MGAT4C: variants seen among roughly 807,000 people sequenced by gnomAD.
MGAT4C encodes the protein MGAT4 family member C.
A neutral mutation model predicts 40.1 loss-of-function variants in MGAT4C; 19 were observed. The ratio of observed to expected loss-of-function variants is 0.47; its 90% CI spans 0.33 to 0.70. The LOEUF is 0.70. MGAT4C is among the 30% of genes least tolerant of loss of function. MGAT4C has a pLI of 0.02. For synonymous variants in MGAT4C, 181 were observed against 187.1 expected, an observed-to-expected ratio of 0.97 and a Z score of 0.27; for missense variants, 491 against 563.2, an observed-to-expected ratio of 0.87 and a Z score of 1.30.
intron 2 of MGAT4C, among the ~76,000 whole-genome samples, chr12:86,444,397 A>C (rs1035319530): frequency 6.6e-6 from 1 of 152,080 alleles, no homozygotes; most frequent in Non-Finnish European, 1.5e-5. Flanking sequence ...TTCCCTGCAG[A>C]TAATCTTCTC....
chr12:86,061,444 C>A (rs143166366), intron 1 of MGAT4C, among the ~76,000 whole-genome samples: 8 of 151,194 alleles, frequency 5.3e-5, no homozygotes, highest in African/African-American at 1.9e-4. Context: ...TTTGGACAGA[C>A]ACTGAGCTAA....
At chr12:86,621,133 C>T (rs1238384808) in intron 2 of MGAT4C, among the ~76,000 whole-genome samples, 1 of 151,700 alleles carries the variant, frequency 6.6e-6, no homozygotes, top group African/African-American at 2.4e-5. Flanking sequence ...TTATATAGTA[C>T]CCAATCATTT....
intron 1 of MGAT4C, among the ~76,000 whole-genome samples, chr12:86,234,733 A>T (rs1951460158): frequency 6.6e-6 from 1 of 152,000 alleles, no homozygotes; most frequent in Non-Finnish European, 1.5e-5. Flanking sequence ...ACTCTAATTC[A>T]TTCCTAAAAC....
intron 2 of MGAT4C, among the ~76,000 whole-genome samples, chr12:86,704,820 C>T (rs1457357518): frequency 6.6e-6 from 1 of 152,152 alleles, no homozygotes; most frequent in Non-Finnish European, 1.5e-5. Flanking sequence ...GACTTAAATG[C>T]TTCTTGTGAT....
intron 1 of MGAT4C, among the ~76,000 whole-genome samples, chr12:86,113,674 C>T (rs1359617675): frequency 6.6e-6 from 1 of 151,644 alleles, no homozygotes; most frequent in Non-Finnish European, 1.5e-5. Flanking sequence ...TAGATGTATC[C>T]TTGTCTGTAT....
intron 2 of MGAT4C, among the ~76,000 whole-genome samples, chr12:86,717,206 A>G (rs1050850640): frequency 6.6e-6 from 1 of 152,058 alleles, no homozygotes; most frequent in African/African-American, 2.4e-5. Context: ...TCAGAAAGAC[A>G]AATTTGAAGC....
At position 86,406,323 on chromosome 12, in the gene MGAT4C, A is replaced by G. The variant is rs1352975967; in HGVS notation, c.-120+28834T>C. ...GGTGAAAAGACAACTTTCAAAGTGG[A>G]GAAAAATACTTGTAAACTGTATATG... On this transcript the variant is annotated intron_variant, in intron 3 of 7. Coordinates refer to the MGAT4C transcript ENST00000548651. 6.6e-5 allele frequency among the ~76,000 whole-genome samples: 10 copies of G among 151,694 alleles called. 1 individual carries two copies. The highest frequency in any genetic ancestry group is 2.4e-4 in the African/African-American group (10 of 41,366).
intron 3 of MGAT4C, among the ~76,000 whole-genome samples, chr12:86,375,615 T>C (rs1955809575): frequency 6.6e-6 from 1 of 152,098 alleles, no homozygotes; most frequent in Non-Finnish European, 1.5e-5. Flanking sequence ...TTAGGTACTT[T>C]ACAGAACCAG....
chr12:86,273,762 T>C (rs1953004605), intron 4 of MGAT4C, among the ~76,000 whole-genome samples: 1 of 151,676 alleles, frequency 6.6e-6, no homozygotes, highest in Non-Finnish European at 1.5e-5. Context: ...GATAACAGAG[T>C]GAATATATAA....
At chr12:86,389,221 T>C (rs1051262036) in intron 3 of MGAT4C, among the ~76,000 whole-genome samples, 3 of 151,986 alleles carry the variant, frequency 2.0e-5, no homozygotes, top group Non-Finnish European at 4.4e-5. Flanking sequence ...GAAGGCCCCA[T>C]TGTGTGTTGT....
intron 2 of MGAT4C, among the ~76,000 whole-genome samples, chr12:86,714,445 G>A (rs1322875984): frequency 1.3e-5 from 2 of 152,110 alleles, no homozygotes. Context: ...ATTCCCACGT[G>A]TTGTGGGAGG....
At chr12:86,151,143 T>A (rs1455980452) in intron 1 of MGAT4C, among the ~76,000 whole-genome samples, 1 of 152,170 alleles carries the variant, frequency 6.6e-6, no homozygotes, top group Non-Finnish European at 1.5e-5. Flanking sequence ...CAGTAGTATA[T>A]TTCAAGTTCT....
chr12:86,424,436 G>GA (rs1956887712), intron 3 of MGAT4C, among the ~76,000 whole-genome samples: 1 of 151,990 alleles, frequency 6.6e-6, no homozygotes, highest in African/African-American at 2.4e-5. Flanking sequence ...CTTTTGATGT[G>GA]AAAAAATGTT....
chr12:86,568,545 C>CATATATATAG (rs1555205561), intron 2 of MGAT4C, among the ~76,000 whole-genome samples: 99 of 138,764 alleles, frequency 7.1e-4, no homozygotes, highest in Non-Finnish European at 1.3e-3. Context: ...AACTCCCCTT[C>CATATATATAG]ATATATATAT....
chr12:85,992,434 G>A (rs1886062532), intron 2 of MGAT4C, among the ~76,000 whole-genome samples: 1 of 152,196 alleles, frequency 6.6e-6, no homozygotes, highest in Non-Finnish European at 1.5e-5. Flanking sequence ...GTCCCTGACT[G>A]CCCATTAGGG....
intron 2 of MGAT4C, among the ~76,000 whole-genome samples, chr12:85,997,333 T>C (rs1177640509): frequency 6.6e-6 from 1 of 152,116 alleles, no homozygotes; most frequent in African/African-American, 2.4e-5. Flanking sequence ...AAGATGAGAT[T>C]TGGGTGGGGA....
intron 2 of MGAT4C, among the ~76,000 whole-genome samples, chr12:86,669,930 T>C (rs1030782234): frequency 1.3e-5 from 2 of 151,264 alleles, no homozygotes; most frequent in African/African-American, 4.9e-5. Flanking sequence ...CATAAGGACA[T>C]GGAATCAAAG....
At chr12:86,168,577 G>A (rs1481859040) in intron 1 of MGAT4C, among the ~76,000 whole-genome samples, 2 of 152,082 alleles carry the variant, frequency 1.3e-5, no homozygotes, top group Non-Finnish European at 2.9e-5. Context: ...AATTAAAATA[G>A]GATAACTGAC....
intron 2 of MGAT4C, among the ~76,000 whole-genome samples, chr12:86,677,649 C>G (rs542494512): frequency 6.6e-6 from 1 of 152,010 alleles, no homozygotes. Context: ...AATAAATATT[C>G]TTTAATTAAT....
Sources: gnomAD v4.1 joint callset for allele counts (sites outside exome capture counted in the v4.1 genomes callset) on GRCh38, gnomAD v4.1.1 for gene constraint, MANE v1.5 for transcripts, NCBI Gene and HGNC (gene_info 2026-07-23, HGNC 2026-07-21) for gene names.